YEATS4: variants seen among roughly 807,000 people sequenced by gnomAD.
YEATS4 encodes the protein YEATS domain containing 4, also known as YEATS domain-containing protein 4.
YEATS4 carries 17 observed loss-of-function variants against 30.1 expected under a neutral mutation model. The ratio of observed to expected loss-of-function variants is 0.56; its 90% confidence interval spans 0.39 to 0.85. YEATS4 has a LOEUF of 0.85. Ranked by LOEUF, YEATS4 falls within the 40% of genes least tolerant of loss-of-function variation. YEATS4 has a pLI of 0.00. For missense variants in YEATS4, 142 were observed against 268.3 expected, an observed-to-expected ratio of 0.53 and a Z score of 3.29; for synonymous variants, 85 against 87.5, an observed-to-expected ratio of 0.97 and a Z score of 0.16.
chr12:69,407,532 AG>A, the YEATS4 span, among the ~76,000 whole-genome samples: 2 of 152,004 alleles, frequency 1.3e-5, no homozygotes, highest in Non-Finnish European at 2.9e-5. Context: ...TTTCCTGGAT[AG>A]CTACTGTGAA....
downstream of YEATS4, among the ~76,000 whole-genome samples, chr12:69,394,290 A>G (rs1173870327): frequency 2.0e-5 from 3 of 152,224 alleles, no homozygotes; most frequent in Non-Finnish European, 4.4e-5. Flanking sequence ...GAGACAAAAA[A>G]TAAAAATAGC....
At chr12:69,360,147 T>G in intron 1 of YEATS4, 124 bp downstream of exon 1, 1 of 1,149,358 alleles carries the variant, frequency 8.7e-7, no homozygotes, top group East Asian at 2.9e-5. Context: ...AACCGTGGTT[T>G]CAGGTTGGAG....
intron 6 of YEATS4, among the ~76,000 whole-genome samples, chr12:69,387,534 G>A (rs1868266211): frequency 6.6e-6 from 1 of 152,212 alleles, no homozygotes; most frequent in African/African-American, 2.4e-5. Context: ...TACTCTGAGT[G>A]TACATCAATA....
chr12:69,364,064 G>C, intron 2 of YEATS4: 1 of 296,100 alleles, frequency 3.4e-6, no homozygotes, highest in East Asian at 1.3e-4. Flanking sequence ...GGGGGAGAAA[G>C]GGTATTGAGG....
At chr12:69,412,577 C>T in the YEATS4 span, among the ~76,000 whole-genome samples, 28 of 152,032 alleles carry the variant, frequency 1.8e-4, no homozygotes, top group Non-Finnish European at 3.2e-4. Context: ...CACTTGAACC[C>T]GGGAGGTGGA....
chr12:69,380,441 T>C (rs1876031054), intron 6 of YEATS4, among the ~76,000 whole-genome samples: 6 of 152,222 alleles, frequency 3.9e-5, no homozygotes, highest in Admixed American at 3.9e-4. Flanking sequence ...GTCCCTTACT[T>C]TCTCCCAAAC....
the YEATS4 span, among the ~76,000 whole-genome samples, chr12:69,411,560 G>A: frequency 6.6e-6 from 1 of 152,170 alleles, no homozygotes; most frequent in African/African-American, 2.4e-5. Context: ...ATTAATTACA[G>A]TGTTAAGTTA....
the YEATS4 span, among the ~76,000 whole-genome samples, chr12:69,400,681 C>T: frequency 2.0e-5 from 3 of 149,776 alleles, no homozygotes; most frequent in South Asian, 6.3e-4. Context: ...GACCCCCCCG[C>T]CCAATTTAAA....
chr12:69,378,248 G>A (rs1386467069), intron 6 of YEATS4, among the ~76,000 whole-genome samples: 2 of 151,900 alleles, frequency 1.3e-5, no homozygotes, highest in East Asian at 3.9e-4. Flanking sequence ...GTCTACGTGT[G>A]TCTTTATAGG....
the YEATS4 span, among the ~76,000 whole-genome samples, chr12:69,417,092 G>GTAAATA: frequency 6.7e-6 from 1 of 148,216 alleles, no homozygotes; most frequent in South Asian, 2.2e-4. Context: ...AAATAAATAA[G>GTAAATA]TAAATAAAAA....
chr12:69,387,394 C>T (rs11609383), intron 6 of YEATS4, among the ~76,000 whole-genome samples: 2 of 152,154 alleles, frequency 1.3e-5, no homozygotes, highest in Non-Finnish European at 2.9e-5. Context: ...GCTTGATGTT[C>T]TTCCAGAATT....
Position 69,362,806 on chromosome 12 carries a change from C to T in YEATS4, c.70C>T (p.Pro24Ser), listed in dbSNP as rs1307292996. ...GRVKGVTIVK[P>S]IVYGNVARYF... ...CTTTTAGGGTGTTACTATCGTTAAA[C>T]CAATAGTTTACGGTAATGTTGCTCG... Residue 24 changes from proline to serine, a missense_variant, in exon 2 of 7, where the codon CCA (proline) becomes TCA (serine). This residue lies in a region of YEATS4 where 25 missense variants were observed against 35.7 expected (regional missense o/e 0.70). Transcript: ENST00000247843. The T allele has an allele frequency of 6.2e-7, 1 of 1,607,550 alleles. No homozygotes were observed. The highest frequency in any genetic ancestry group is 8.5e-7 in the Non-Finnish European group (1 of 1,176,008).
intron 2 of YEATS4, chr12:69,364,283 C>A (rs1875344654): frequency 5.8e-6 from 2 of 344,536 alleles, no homozygotes; most frequent in Admixed American, 3.8e-5. Flanking sequence ...AAGACTCCAT[C>A]TCTACAGAAA....
At chr12:69,362,311 A>G (rs1327804569) in intron 1 of YEATS4, among the ~76,000 whole-genome samples, 2 of 151,552 alleles carry the variant, frequency 1.3e-5, no homozygotes, top group Non-Finnish European at 2.9e-5. Flanking sequence ...AGTTATTACT[A>G]TTTTTTAATA....
chr12:69,407,975 C>G, the YEATS4 span, among the ~76,000 whole-genome samples: 1 of 152,120 alleles, frequency 6.6e-6, no homozygotes, highest in African/African-American at 2.4e-5. Context: ...CTTGGCCTCC[C>G]AAAGTGTTGG....
At chr12:69,407,695 T>C in the YEATS4 span, among the ~76,000 whole-genome samples, 1 of 134,880 alleles carries the variant, frequency 7.4e-6, no homozygotes, top group Non-Finnish European at 1.6e-5. Flanking sequence ...GTACAAATAC[T>C]TTTTGTCTTT....
chr12:69,363,054 G>A (rs1193118390), intron 2 of YEATS4, 147 bp downstream of exon 2: 8 of 606,158 alleles, frequency 1.3e-5, no homozygotes, highest in Non-Finnish European at 1.6e-5. Flanking sequence ...GTGCAGTGGC[G>A]CGATCTCAGC....
At chr12:69,385,817 C>G (rs1876253356) in intron 6 of YEATS4, among the ~76,000 whole-genome samples, 1 of 152,168 alleles carries the variant, frequency 6.6e-6, no homozygotes, top group Non-Finnish European at 1.5e-5. Flanking sequence ...CATTTCTTAA[C>G]TTATTTAATA....
chr12:69,410,149 T>C, the YEATS4 span, among the ~76,000 whole-genome samples: 2 of 152,230 alleles, frequency 1.3e-5, no homozygotes, highest in Non-Finnish European at 2.9e-5. Flanking sequence ...TATAATTCAA[T>C]GGTTTTTAGT....
Sources: gnomAD v4.1 joint callset for allele counts (sites outside exome capture counted in the v4.1 genomes callset) on GRCh38, gnomAD v4.1.1 for gene constraint, gnomAD v4.1.1 regional missense constraint, MANE v1.5 for transcripts, NCBI Gene and HGNC (gene_info 2026-07-23, HGNC 2026-07-21) for gene names.